Variants in NUDT4 observed in about 807,000 individuals in gnomAD.
NUDT4 encodes the protein diphosphoinositol polyphosphate phosphohydrolase 2.
Under a neutral mutation model 23.1 loss-of-function variants are expected in NUDT4, and 5 were observed. The ratio of observed to expected loss-of-function variants is 0.22; its 90% CI spans 0.11 to 0.46. The LOEUF is 0.46. NUDT4 is among the 20% of genes least tolerant of loss of function. The pLI is 0.99. For missense variants in NUDT4, 96 were observed against 211.6 expected (o/e 0.45, Z 3.39); for synonymous variants, 50 against 79.0 (o/e 0.63, Z 1.95).
intron 1 of NUDT4, 73 bp downstream of exon 1, chr12:93,378,494 C>T: frequency 7.1e-7 from 1 of 1,400,762 alleles, no homozygotes; most frequent in Non-Finnish European, 9.4e-7. Flanking sequence ...CCCTCGCTCC[C>T]CGCCCCTGCG....
chr12:93,393,107 T>C (rs1195181107), intron 1 of NUDT4, among the ~76,000 whole-genome samples: 1 of 139,592 alleles, frequency 7.2e-6, no homozygotes, highest in African/African-American at 2.8e-5. Flanking sequence ...TTTTTTTTTT[T>C]TCCCCGAGAT....
intron 1 of NUDT4, among the ~76,000 whole-genome samples, chr12:93,386,186 A>C (rs140700743): frequency 6.6e-6 from 1 of 151,736 alleles, no homozygotes; most frequent in Non-Finnish European, 1.5e-5. Flanking sequence ...TATGTTGCCT[A>C]GGCTGGTCTT....
Position 93,407,084 on chromosome 12 carries a change from G to T in NUDT4, c.*7705G>T. The T allele has an allele frequency of 6.6e-6, 1 of 152,442 alleles. No homozygotes were observed. Among genetic ancestry groups the T allele is most frequent in the Non-Finnish European group, 1.5e-5 (1 of 68,106 alleles). 9.4% of individuals were successfully genotyped at this position (152,442 alleles called of 1,614,324 possible). On this transcript the variant is annotated 3_prime_UTR_variant, in exon 5 of 5. Coordinates refer to ENST00000415493, the MANE Select transcript of NUDT4 (RefSeq NM_019094.6). ...GCTGGTCACAAACTCCTGGACTCAA[G>T]TGATCCTCCTGCCTTGGCCTCCTAA...
chr12:93,393,033 T>C (rs1876667670), intron 1 of NUDT4, among the ~76,000 whole-genome samples: 1 of 142,286 alleles, frequency 7.0e-6, no homozygotes, highest in South Asian at 2.3e-4. Context: ...TTAAATAAAA[T>C]CTAGGATACT....
chr12:93,378,493 C>T, intron 1 of NUDT4, 72 bp downstream of exon 1: 1 of 1,400,842 alleles, frequency 7.1e-7, no homozygotes, highest in South Asian at 1.5e-5. Flanking sequence ...CCCCTCGCTC[C>T]CCGCCCCTGC....
intron 3 of NUDT4, among the ~76,000 whole-genome samples, chr12:93,395,761 G>A (rs112314169): frequency 0.032 from 4,863 of 151,922 alleles, 96 homozygotes; most frequent in Non-Finnish European, 0.048. Context: ...TCGCTCTGTC[G>A]CCAGGCTGGA....
chr12:93,392,251 C>G (rs567209971), intron 1 of NUDT4, among the ~76,000 whole-genome samples: 23 of 139,416 alleles, frequency 1.6e-4, no homozygotes, highest in South Asian at 7.8e-4. Flanking sequence ...TTTCCCCCCC[C>G]CCCTTTTTTT....
At chr12:93,380,124 C>CAG (rs1171204415) in intron 1 of NUDT4, among the ~76,000 whole-genome samples, 1 of 152,174 alleles carries the variant, frequency 6.6e-6, no homozygotes, top group Non-Finnish European at 1.5e-5. Context: ...CCAGTCCTTA[C>CAG]TCCTGATGTT....
Position 93,405,452 on chromosome 12 carries a change from T to G in NUDT4, c.*6073T>G, listed in dbSNP as rs1877753317. On this transcript the variant is annotated 3_prime_UTR_variant, in exon 5 of 5. Coordinates refer to ENST00000415493, the MANE Select transcript of NUDT4 (RefSeq NM_019094.6). The stretch of plus-strand genomic sequence containing the variant: ...GCAGGGCCATACAAGACACATGAAA[T>G]GAGATCAGCTCAAGGGTGACAAGAT... 6.6e-6 allele frequency: 1 copy of G among 152,074 alleles called. No homozygotes were observed. Among genetic ancestry groups the G allele is most frequent in the South Asian group, 2.1e-4 (1 of 4,812 alleles). 9.4% of individuals were successfully genotyped at this position (152,074 alleles called of 1,614,324 possible).
chr12:93,393,162 TCTGCTCA>T (rs1462767813), intron 1 of NUDT4, among the ~76,000 whole-genome samples: 13 of 135,408 alleles, frequency 9.6e-5, no homozygotes, highest in African/African-American at 1.7e-4. Context: ...TGGTGCAATC[TCTGCTCA>T]CTGCTCACTG....
rs147059923 is a variant in NUDT4 at position 93,394,463 on chromosome 12, G to A, written c.100-146G>A. 1,175 of 452,552 alleles carry A rather than the reference G, an allele frequency of 2.6e-3. 38 individuals carry two copies. The Admixed American group carries it at 0.039, about 15-fold the overall frequency. The allele number at this position is 452,552 out of a possible 1,614,324, so 28.0% of individuals were successfully genotyped here. On this transcript the variant is annotated intron_variant, in intron 1 of 4. Coordinates refer to ENST00000415493, the MANE Select transcript of NUDT4 (RefSeq NM_019094.6). ...CAAAGGTTGTCAATTGCATTTTTGTGGTGTAATGCGTACCCCCTAATTTTA... is the reference window on the plus strand; with the variant it reads ...CAAAGGTTGTCAATTGCATTTTTGTAGTGTAATGCGTACCCCCTAATTTTA...
At chr12:93,379,886 A>G (rs915583925) in intron 1 of NUDT4, among the ~76,000 whole-genome samples, 1 of 152,266 alleles carries the variant, frequency 6.6e-6, no homozygotes, top group African/African-American at 2.4e-5. Flanking sequence ...AGGGATCAAG[A>G]TAGATCAAGG....
chr12:93,403,820 T>C lies in NUDT4; in HGVS notation c.*4441T>C, dbSNP rs1309762170. 3 of 152,270 alleles carry C rather than the reference T, an allele frequency of 2.0e-5. No homozygotes were observed. Among genetic ancestry groups the C allele is most frequent in the Admixed American group, 6.5e-5 (1 of 15,284 alleles). 9.4% of individuals were successfully genotyped at this position (152,270 alleles called of 1,614,324 possible). A position where few individuals can be genotyped will look rare whatever the true frequency, so the allele number is the denominator to read the frequency against. On this transcript the variant is annotated 3_prime_UTR_variant, in exon 5 of 5. Transcript: ENST00000415493. Reference sequence around the variant, plus strand: ...GGTGCTACTTTAATACCTTCCTGACTGGTGCCACTGGCTAAATTCTAGCAG... The same window carrying C: ...GGTGCTACTTTAATACCTTCCTGACCGGTGCCACTGGCTAAATTCTAGCAG...
chr12:93,400,492 A>T lies in NUDT4; in HGVS notation c.*1113A>T, dbSNP rs1488764570. ...GAATTAAATCTTTTACTTTATACTC[A>T]CTTAAAATCAAGAATCCCATCTAAA... On this transcript the variant is annotated 3_prime_UTR_variant, in exon 5 of 5. Transcript: ENST00000415493. 1 of 152,314 alleles carries T rather than the reference A, an allele frequency of 6.6e-6. No individual in the cohort carries two copies. The highest frequency in any genetic ancestry group is 1.5e-5 in the Non-Finnish European group (1 of 68,064). The allele number at this position is 152,314 out of a possible 1,614,324, so 9.4% of individuals were successfully genotyped here. A position where few individuals can be genotyped will look rare whatever the true frequency, so the allele number is the denominator to read the frequency against.
Position 93,384,167 on chromosome 12 carries a change from G to T in NUDT4, c.99+5746G>T, listed in dbSNP as rs191249415. Among the ~76,000 whole-genome samples the T allele has an allele frequency of 1.3e-3, 202 of 150,872 alleles. 1 individual carries two copies. The highest frequency in any genetic ancestry group is 4.0e-3 in the African/African-American group (161 of 40,378). On this transcript the variant is annotated intron_variant, in intron 1 of 4. Transcript: ENST00000415493. Reference sequence around the variant, plus strand: ...TAAAGGGTATAGATTCTATAAAATAGATCAGGGGTGCCCAAGCTTTTTTTT... The same window carrying T: ...TAAAGGGTATAGATTCTATAAAATATATCAGGGGTGCCCAAGCTTTTTTTT...
rs1438901265 is a variant in NUDT4, at chr12:93,377,929, G to A, written c.-394G>A. 1 of 312,522 alleles carries A rather than the reference G, an allele frequency of 3.2e-6. No individual in the cohort carries two copies. Among genetic ancestry groups the A allele is most frequent in the Non-Finnish European group, 6.4e-6 (1 of 157,456 alleles). The allele number at this position is 312,522 out of a possible 1,614,324, so 19.4% of individuals were successfully genotyped here. ...AGAGCAGAGGGGGCGGCGCGCGGTC[G>A]CCGCGGTGCTGCTGCTCAGTGGGAG... On this transcript the variant is annotated 5_prime_UTR_variant, in exon 1 of 5. Transcript: ENST00000415493.
In NUDT4 at chr12:93,406,275, C is replaced by CG. The variant is rs1287037705; in HGVS notation, c.*6896_*6897insG. 1 of 37,990 alleles carries CG rather than the reference C, an allele frequency of 2.6e-5. No homozygotes were observed. The highest frequency in any genetic ancestry group is 1.5e-3 in the East Asian group (1 of 658). 2.4% of individuals were successfully genotyped at this position (37,990 alleles called of 1,614,324 possible). A position where few individuals can be genotyped will look rare whatever the true frequency, so the allele number is the denominator to read the frequency against. ...AGAGCTAGAAAGTGGCTAGAGCAGC[C>CG]AAAAAAAAAAAAAAAAAAAAAAAAA... is the stretch of plus-strand genomic sequence containing the variant. On this transcript the variant is annotated 3_prime_UTR_variant, in exon 5 of 5. Transcript: ENST00000415493.
Position 93,398,681 on chromosome 12 carries a change from CA to C in NUDT4, c.256-89del. ...CTGGGAAATACGCTATGCTAATCAG[CA>C]GTATGCCAGACTAATTTTTTTCCCT... On this transcript the variant is annotated intron_variant, in intron 3 of 4. Coordinates refer to ENST00000415493, the MANE Select transcript of NUDT4 (RefSeq NM_019094.6). 3.9e-6 allele frequency: 3 copies of C among 765,520 alleles called. No homozygotes were observed. The East Asian group carries it at 7.5e-5, about 19-fold the overall frequency. 47.4% of individuals were successfully genotyped at this position (765,520 alleles called of 1,614,324 possible).
rs965251508 is a variant in NUDT4, at chr12:93,400,267, A to C, written c.*888A>C. ...TATTCAGTTATTTAGTGGCCCCCAC[A>C]GGAGTGGAGTCTTGAAATCTAATTC... On this transcript the variant is annotated 3_prime_UTR_variant, in exon 5 of 5. Coordinates refer to ENST00000415493, the MANE Select transcript of NUDT4 (RefSeq NM_019094.6). 2 of 151,934 alleles carry C rather than the reference A, an allele frequency of 1.3e-5. No homozygotes were observed. The highest frequency in any genetic ancestry group is 2.9e-5 in the Non-Finnish European group (2 of 67,914). The allele number at this position is 151,934 out of a possible 1,614,324, so 9.4% of individuals were successfully genotyped here.
Sources: gnomAD v4.1 joint callset for allele counts (sites outside exome capture counted in the v4.1 genomes callset) on GRCh38, gnomAD v4.1.1 for gene constraint, MANE v1.5 for transcripts, NCBI Gene and HGNC (gene_info 2026-07-23, HGNC 2026-07-21) for gene names.